Variants in MT1B observed in about 807,000 individuals in gnomAD.
MT1B encodes the protein metallothionein 1B, also known as metallothionein-1B.
In MT1B, 4 loss-of-function variants were observed where a neutral mutation model predicts 7.9. That is an observed-to-expected ratio of 0.51 (90% CI 0.25 to 1.16). MT1B has a LOEUF of 1.16. Among genes scored for constraint, MT1B ranks in the 50% most tolerant of loss-of-function variants. The probability of loss-of-function intolerance (pLI) is 0.15; values close to 1 mark genes in which losing one functional copy is unlikely to be tolerated. For synonymous variants in MT1B, 22 were observed against 27.6 expected, an observed-to-expected ratio of 0.80 and a Z score of 0.63; for missense variants, 76 against 75.2, an observed-to-expected ratio of 1.01 and a Z score of -0.04.
At chr16:56,652,448 G>T in intron 1 of MT1B, 123 bp from the exon 2 acceptor site, 1 of 961,706 alleles carries the variant, frequency 1.0e-6, no homozygotes, top group South Asian at 1.4e-5. Flanking sequence ...CCTCCGCTCT[G>T]AGTGGGAAAG....
chr16:56,652,750 C>A, intron 2 of MT1B, 114 bp downstream of exon 2: 1 of 1,364,444 alleles, frequency 7.3e-7, no homozygotes, highest in Non-Finnish European at 1.0e-6. Context: ...CCCCTGTTGG[C>A]TGTGTCATTC....
rs1390493619 is a variant in MT1B at position 56,652,102 on chromosome 16, C to T, written c.28+121C>T. 4 of 1,222,832 alleles carry T rather than the reference C, an allele frequency of 3.3e-6. No homozygotes were observed. The African/African-American group carries it at 6.0e-5, about 18-fold the overall frequency. 75.7% of individuals were successfully genotyped at this position (1,222,832 alleles called of 1,614,324 possible). ...TTGAAGGGAACTCGTTTACTTTTGC[C>T]AGTGCTTTCCTCTTGCCCAAGCTCC... On this transcript the variant is annotated intron_variant, in intron 1 of 2. Coordinates refer to ENST00000334346, the MANE Select transcript of MT1B (RefSeq NM_005947.3).
chr16:56,652,805 CT>C (rs1432334936), intron 2 of MT1B, among the ~76,000 whole-genome samples, 168 bp from the exon 3 acceptor site: 15 of 152,318 alleles, frequency 9.8e-5, no homozygotes, highest in South Asian at 4.1e-4. Context: ...TCAGGGCAGA[CT>C]TTTTCTATTG....
intron 2 of MT1B, 94 bp from the exon 3 acceptor site, chr16:56,652,880 G>A (rs950723372): frequency 3.6e-6 from 5 of 1,402,056 alleles, no homozygotes; most frequent in Admixed American, 3.4e-5. Context: ...CATCCTCTGG[G>A]TGTGGGGGCT....
At chr16:56,652,268 A>G (rs1419402133) in intron 1 of MT1B, among the ~76,000 whole-genome samples, 1 of 152,138 alleles carries the variant, frequency 6.6e-6, no homozygotes, top group Non-Finnish European at 1.5e-5. Flanking sequence ...AGCAGCCGGG[A>G]AGGGTGAGAG....
rs1960574703 is a variant in MT1B, at chr16:56,652,983, C to T, written c.104C>T (p.Ser35Phe). 4 of 1,613,306 alleles carry T rather than the reference C, an allele frequency of 2.5e-6. No individual in the cohort carries two copies. Among genetic ancestry groups the T allele is most frequent in the Non-Finnish European group, 2.5e-6 (3 of 1,179,984 alleles). The change falls in exon 3 of 3, where the codon TCT becomes TTT. Residue 35 changes from serine (S) to phenylalanine (F), a missense_variant. Coordinates refer to ENST00000334346, the MANE Select transcript of MT1B (RefSeq NM_005947.3). The part of the protein sequence containing the change: ...KCTSCKKCCC[S>F]CCPVGCAKCA... ...TCCCCTTCTTCCCCAGGCTGCTGCT[C>T]TTGCTGCCCCGTGGGCTGTGCCAAG...
chr16:56,652,088 T>C, intron 1 of MT1B, 107 bp downstream of exon 1: 1 of 1,405,806 alleles, frequency 7.1e-7, no homozygotes, highest in East Asian at 2.3e-5. Flanking sequence ...TGAAGGGAAC[T>C]CGTTTACTTT....
chr16:56,651,920 T>C lies in MT1B; in HGVS notation c.-34T>C. 1.9e-6 allele frequency: 3 copies of C among 1,613,822 alleles called. No individual in the cohort carries two copies. The highest frequency in any genetic ancestry group is 1.3e-5 in the African/African-American group (1 of 75,048). ...TCCTCCTGCCCTGACTTCTCATATCTTGCCTAGGAACTCCAGGCTTGTCTT... is the reference window on the plus strand; with the variant it reads ...TCCTCCTGCCCTGACTTCTCATATCCTGCCTAGGAACTCCAGGCTTGTCTT... On this transcript the variant is annotated 5_prime_UTR_variant, in exon 1 of 3. Transcript: ENST00000334346.
At position 56,651,974 on chromosome 16, in the gene MT1B, C is replaced by T. The variant is rs1330636507; in HGVS notation, c.21C>T (p.Cys7=). ...TCCAAATGGATCCCAACTGCTCCTG[C>T]ACCACAGGTAAGGGACGCCTGGCTC... is the stretch of plus-strand genomic sequence containing the variant. MDPNCS[C]TTGGSCACAG... The change falls in exon 1 of 3, where the codon TGC becomes TGT. Residue 7 remains cysteine (C), a synonymous_variant. Transcript: ENST00000334346. The T allele has an allele frequency of 8.7e-6, 14 of 1,614,272 alleles. No individual in the cohort carries two copies. The African/African-American group carries it at 1.7e-4, about 20-fold the overall frequency.
At chr16:56,652,492 C>A in intron 1 of MT1B, 79 bp from the exon 2 acceptor site, 1 of 1,345,998 alleles carries the variant, frequency 7.4e-7, no homozygotes, top group East Asian at 2.3e-5. Flanking sequence ...CAGAGGATGG[C>A]GCACTGGACA....
Position 56,652,622 on chromosome 16 carries a change from C to A in MT1B, c.80C>A (p.Thr27Asn), listed in dbSNP as rs751717302. The part of the protein sequence containing the change: ...GSCKCKECKC[T>N]SCKKCCCSCC... ...TGCAAGTGCAAAGAGTGCAAATGTACCTCCTGCAAGAAGTGTGAGTGTGGG... is the reference window on the plus strand; with the variant it reads ...TGCAAGTGCAAAGAGTGCAAATGTAACTCCTGCAAGAAGTGTGAGTGTGGG... The change falls in exon 2 of 3, where the codon ACC (threonine) becomes AAC (asparagine). Residue 27 changes from threonine (T) to asparagine (N), a missense_variant. Thr to Asn is a moderately conservative substitution (Grantham distance 65). Transcript: ENST00000334346. 1 of 1,614,036 alleles carries A rather than the reference C, an allele frequency of 6.2e-7. No individual in the cohort carries two copies. Among genetic ancestry groups the A allele is most frequent in the South Asian group, 1.1e-5 (1 of 91,082 alleles).
chr16:56,652,937 G>A (rs375701619), intron 2 of MT1B, 37 bp from the exon 3 acceptor site: 2 of 1,605,216 alleles, frequency 1.2e-6, no homozygotes, highest in Non-Finnish European at 1.7e-6. Context: ...TCCTGGTCAA[G>A]TCAGCTGTGA....
At chr16:56,652,147 T>C (rs1960562133) in intron 1 of MT1B, among the ~76,000 whole-genome samples, 166 bp downstream of exon 1, 1 of 152,254 alleles carries the variant, frequency 6.6e-6, no homozygotes, top group Non-Finnish European at 1.5e-5. Context: ...CTCCCTCCTC[T>C]GTGCTTGTAA....
intron 1 of MT1B, 142 bp from the exon 2 acceptor site, chr16:56,652,429 G>T (rs1480859753): frequency 2.4e-6 from 2 of 824,322 alleles, no homozygotes; most frequent in African/African-American, 1.7e-5. Context: ...AGGACATGGG[G>T]CTTCTGTTCC....
rs1003195071 is a variant in MT1B at position 56,652,288 on chromosome 16, A to G, written c.29-283A>G. ...CCGGGAAGGGTGAGAGGTGGGGGAC[A>G]TAGCCTCTTCAGAGTTCAACACAGA... On this transcript the variant is annotated intron_variant, in intron 1 of 2. Coordinates refer to ENST00000334346, the MANE Select transcript of MT1B (RefSeq NM_005947.3). Among the ~76,000 whole-genome samples the G allele has an allele frequency of 4.6e-5, 7 of 152,342 alleles. No homozygotes were observed. In the South Asian group the frequency reaches 1.4e-3, roughly 32 times the overall value.
rs1435317319 is a variant in MT1B, at chr16:56,653,110, C to A, written c.*45C>A. The A allele has an allele frequency of 6.3e-7, 1 of 1,584,396 alleles. No homozygotes were observed. The highest frequency in any genetic ancestry group is 8.6e-7 in the Non-Finnish European group (1 of 1,162,970). ...CCAGACATAAATAGAGCAACCAGTA[C>A]TAACCTGGATTTTTTTTTTTAACTA... On this transcript the variant is annotated 3_prime_UTR_variant, in exon 3 of 3. Transcript: ENST00000334346.
chr16:56,652,542 T>G, intron 1 of MT1B, 29 bp from the exon 2 acceptor site: 2 of 1,610,422 alleles, frequency 1.2e-6, no homozygotes, highest in Non-Finnish European at 1.7e-6. Context: ...TCTTACTCAC[T>G]GCCCACTGCC....
intron 1 of MT1B, among the ~76,000 whole-genome samples, 194 bp from the exon 2 acceptor site, chr16:56,652,377 G>A (rs1960565090): frequency 6.6e-6 from 1 of 152,234 alleles, no homozygotes; most frequent in Non-Finnish European, 1.5e-5. Flanking sequence ...TCCTGATGGG[G>A]TATATAAAGA....
chr16:56,652,699 C>G (rs1960569847), intron 2 of MT1B, 63 bp downstream of exon 2: 4 of 1,592,566 alleles, frequency 2.5e-6, no homozygotes, highest in Non-Finnish European at 3.4e-6. Context: ...GAACACAAGG[C>G]TGGCCCTGAG....
Sources: gnomAD v4.1 joint callset for allele counts (sites outside exome capture counted in the v4.1 genomes callset) on GRCh38, gnomAD v4.1.1 for gene constraint, MANE v1.5 for transcripts, NCBI Gene and HGNC (gene_info 2026-07-23, HGNC 2026-07-21) for gene names.